The following DGKB variants were observed in gnomAD, a reference collection of about 807,000 sequenced individuals.
DGKB encodes 90 kDa diacylglycerol kinase.
DGKB carries 67 observed loss-of-function variants against 114.3 expected under a neutral mutation model. That is an observed-to-expected ratio of 0.59 (90% CI 0.48 to 0.72). DGKB has a LOEUF of 0.72. Among genes scored for constraint, DGKB ranks in the 30% least tolerant of loss-of-function variants. The pLI is 0.00. For synonymous variants in DGKB, 398 were observed against 323.1 expected (o/e 1.23, Z -2.49); for missense variants, 907 against 975.2 (o/e 0.93, Z 0.93).
chr7:14,205,938 T>C (rs1786727960), intron 23 of DGKB, among the ~76,000 whole-genome samples: 1 of 152,024 alleles, frequency 6.6e-6, no homozygotes, highest in Admixed American at 6.6e-5. Flanking sequence ...GATCAATTGA[T>C]TGACAGGTAG....
At chr7:14,323,235 C>A (rs890843377) in intron 23 of DGKB, among the ~76,000 whole-genome samples, 1 of 151,824 alleles carries the variant, frequency 6.6e-6, no homozygotes, top group Non-Finnish European at 1.5e-5. Context: ...AATATAAAAA[C>A]CAGAAACATT....
intron 2 of DGKB, among the ~76,000 whole-genome samples, chr7:14,808,905 C>A (rs1315451534): frequency 6.6e-6 from 1 of 152,124 alleles, no homozygotes; most frequent in Admixed American, 6.6e-5. Flanking sequence ...AACTAAGGTA[C>A]AGCTCTAAAT....
intron 2 of DGKB, among the ~76,000 whole-genome samples, chr7:14,775,601 A>G (rs933455185): frequency 1.3e-5 from 2 of 151,920 alleles, no homozygotes; most frequent in African/African-American, 2.4e-5. Flanking sequence ...ATAGTGGGTG[A>G]GTTCTCATGA....
intron 21 of DGKB, among the ~76,000 whole-genome samples, chr7:14,358,092 G>C (rs1814941686): frequency 6.6e-6 from 1 of 152,090 alleles, no homozygotes; most frequent in African/African-American, 2.4e-5. Flanking sequence ...TTCTCAAGGA[G>C]TATCTTTGTG....
At chr7:14,563,643 GTTTT>G (rs66549760) in intron 20 of DGKB, among the ~76,000 whole-genome samples, 1 of 125,732 alleles carries the variant, frequency 8.0e-6, no homozygotes, top group Non-Finnish European at 1.7e-5. Flanking sequence ...ATACAACTCT[GTTTT>G]TTTTTTTTTT....
At chr7:14,203,903 A>G (rs1786321852) in intron 23 of DGKB, among the ~76,000 whole-genome samples, 1 of 151,980 alleles carries the variant, frequency 6.6e-6, no homozygotes, top group Non-Finnish European at 1.5e-5. Context: ...AGTCTGTAAT[A>G]TTTAGACAAT....
chr7:14,761,266 T>A (rs1835654596), intron 2 of DGKB, among the ~76,000 whole-genome samples: 1 of 152,144 alleles, frequency 6.6e-6, no homozygotes, highest in African/African-American at 2.4e-5. Context: ...GATAAGGATT[T>A]GCGCATGGAA....
At chr7:14,948,146 A>G (rs549089716) in intron 1 of DGKB, among the ~76,000 whole-genome samples, 2 of 151,858 alleles carry the variant, frequency 1.3e-5, no homozygotes, top group Non-Finnish European at 2.9e-5. Context: ...ATTCAGGAGC[A>G]AGAATGTAAC....
At position 14,841,938 on chromosome 7, in the gene DGKB, T is replaced by C. The variant is rs142060409; in HGVS notation, c.-187-488A>G. Among the ~76,000 whole-genome samples, 332 of 152,300 alleles carry C rather than the reference T, an allele frequency of 2.2e-3. 2 individuals are homozygous for C. Among genetic ancestry groups the C allele is most frequent in the African/African-American group, 7.7e-3 (319 of 41,574 alleles). On this transcript the variant is annotated intron_variant, in intron 1 of 25. Transcript: ENST00000402815. ...TATGATTTAAAAAAATTCAAAAGATTGGCCAAATTAAAGCAATTCCAAATG... is the reference window on the plus strand; with the variant it reads ...TATGATTTAAAAAAATTCAAAAGATCGGCCAAATTAAAGCAATTCCAAATG...
At chr7:14,484,449 T>C (rs1783463781) in intron 20 of DGKB, among the ~76,000 whole-genome samples, 1 of 152,136 alleles carries the variant, frequency 6.6e-6, no homozygotes, top group African/African-American at 2.4e-5. Context: ...TCCTTGGTGT[T>C]GCCACAATGG....
intron 2 of DGKB, among the ~76,000 whole-genome samples, chr7:14,816,848 C>T (rs1303510249): frequency 6.6e-6 from 1 of 152,000 alleles, no homozygotes; most frequent in Non-Finnish European, 1.5e-5. Context: ...CTCCAGGTAC[C>T]CAACATATTT....
intron 25 of DGKB, among the ~76,000 whole-genome samples, chr7:14,158,995 T>G (rs753112217): frequency 1.3e-5 from 2 of 152,200 alleles, no homozygotes; most frequent in Non-Finnish European, 2.9e-5. Flanking sequence ...AGAATTCTTC[T>G]AAATGGTCAT....
At chr7:14,337,143 T>C (rs1810826933) in intron 23 of DGKB, among the ~76,000 whole-genome samples, 1 of 152,124 alleles carries the variant, frequency 6.6e-6, no homozygotes, top group African/African-American at 2.4e-5. Context: ...CTACCCTTTT[T>C]AGAAATCTAC....
chr7:14,542,567 C>G (rs1056013765), intron 20 of DGKB, among the ~76,000 whole-genome samples: 1 of 152,182 alleles, frequency 6.6e-6, no homozygotes, highest in Admixed American at 6.5e-5. Context: ...CATTTCACTG[C>G]TTTGCCTGGT....
chr7:14,228,543 C>T (rs62445579), intron 23 of DGKB, among the ~76,000 whole-genome samples: 28,198 of 151,792 alleles, frequency 0.19, 2,747 homozygotes, highest in Non-Finnish European at 0.22. Context: ...CACTCGCACC[C>T]GCACACACAC....
intron 1 of DGKB, among the ~76,000 whole-genome samples, chr7:14,919,095 A>AAACACACACACACAC (rs1784392701): frequency 7.4e-4 from 85 of 114,964 alleles, no homozygotes; most frequent in East Asian, 5.7e-3. Flanking sequence ...CACACACACA[A>AAACACACACACACAC]ACACACACAC....
rs139019789 is a variant in DGKB, at chr7:14,310,472, A to G, written c.2122+28043T>C. Among the ~76,000 whole-genome samples the G allele has an allele frequency of 3.3e-3, 505 of 152,328 alleles. 4 individuals carry two copies. Among genetic ancestry groups the G allele is most frequent in the African/African-American group, 0.011 (465 of 41,574 alleles). ...TTTAGAAAACAGTAGAATAATAAAT[A>G]GAGTATGGAGTTCCTATAGGCAAGA... On this transcript the variant is annotated intron_variant, in intron 23 of 25. Coordinates refer to ENST00000402815, the MANE Select transcript of DGKB (RefSeq NM_001350709.2).
chr7:14,950,048 A>G (rs1236048263), intron 1 of DGKB, among the ~76,000 whole-genome samples: 3 of 151,978 alleles, frequency 2.0e-5, no homozygotes, highest in Admixed American at 2.0e-4. Context: ...ACACGTATAC[A>G]TATGTAACAA....
chr7:14,753,371 T>A (rs1231205712), intron 4 of DGKB, among the ~76,000 whole-genome samples: 1 of 152,184 alleles, frequency 6.6e-6, no homozygotes, highest in African/African-American at 2.4e-5. Flanking sequence ...GAACTACTGT[T>A]CTAAAACTTA....
Sources: gnomAD v4.1 joint callset for allele counts (sites outside exome capture counted in the v4.1 genomes callset) on GRCh38, gnomAD v4.1.1 for gene constraint, MANE v1.5 for transcripts, NCBI Gene and HGNC (gene_info 2026-07-23, HGNC 2026-07-21) for gene names.